The following ACSF2 variants were observed in gnomAD, a reference collection of about 807,000 sequenced individuals.
ACSF2 encodes acyl-CoA synthetase family member 2.
Under a neutral mutation model 79.3 loss-of-function variants are expected in ACSF2, and 52 were observed. That is an observed-to-expected ratio of 0.66 (90% CI 0.53 to 0.83). ACSF2 has a LOEUF of 0.83. Among genes scored for constraint, ACSF2 ranks in the 40% least tolerant of loss-of-function variants. ACSF2 has a pLI of 0.00. For synonymous variants in ACSF2, 283 were observed against 312.6 expected (o/e 0.91, Z 1.00); for missense variants, 661 against 803.3 (o/e 0.82, Z 2.14).
intron 10 of ACSF2, chr17:50,469,081 A>G: frequency 8.2e-7 from 1 of 1,224,644 alleles, no homozygotes; most frequent in Non-Finnish European, 1.0e-6. Context: ...GTGGCCCCCG[A>G]GCCCCGAGCC....
chr17:50,434,722 A>G (rs2030244231), intron 1 of ACSF2, among the ~76,000 whole-genome samples: 1 of 151,130 alleles, frequency 6.6e-6, no homozygotes, highest in African/African-American at 2.4e-5. Context: ...TGTAGTCCTT[A>G]CTAGTCTTTG....
chr17:50,447,824 T>C (rs1380508520), intron 1 of ACSF2, among the ~76,000 whole-genome samples: 1 of 152,204 alleles, frequency 6.6e-6, no homozygotes, highest in African/African-American at 2.4e-5. Context: ...GCTTGAGGCG[T>C]ACCTTTATAG....
intron 1 of ACSF2, 90 bp downstream of exon 1, chr17:50,426,479 T>C: frequency 7.9e-7 from 1 of 1,262,742 alleles, no homozygotes; most frequent in Non-Finnish European, 1.0e-6. Context: ...GCCCCACCTC[T>C]GGACGAGTGC....
chr17:50,471,363 T>C lies in ACSF2; in HGVS notation c.1323+228T>C. The C allele has an allele frequency of 1.9e-6, 1 of 532,704 alleles. No individual in the cohort carries two copies. Among genetic ancestry groups the C allele is most frequent in the South Asian group, 2.2e-5 (1 of 46,368 alleles). The allele number at this position is 532,704 out of a possible 1,614,324, so 33.0% of individuals were successfully genotyped here. On this transcript the variant is annotated intron_variant, in intron 11 of 15. Transcript: ENST00000300441. The surrounding 1 kb of genome is among the most constrained non-coding windows in gnomAD (Gnocchi z 4.1). ...GCTGTGAGCGGCTGCCAGCTGAACT[T>C]CTCCGCGGCCTCCCTTCCTGTCTGA...
intron 2 of ACSF2, 156 bp from the exon 3 acceptor site, chr17:50,461,086 C>G (rs1280404805): frequency 1.6e-6 from 2 of 1,264,570 alleles, no homozygotes; most frequent in African/African-American, 3.0e-5. Flanking sequence ...GTTAACTATG[C>G]AGGCCCCAGG....
Position 50,474,148 on chromosome 17 carries a change from C to A in ACSF2, c.1729-51C>A. On this transcript the variant is annotated intron_variant, in intron 14 of 15. Coordinates refer to ENST00000300441, the MANE Select transcript of ACSF2 (RefSeq NM_025149.6). This position sits in a 1 kb window ranked among gnomAD's most constrained non-coding sequence, Gnocchi z 4.2. ...CAGCCCCTGGTCCCCTACCCATACC[C>A]CTGTGAGCTTGCGCAGCCTCACGCC... 6.2e-7 allele frequency: 1 copy of A among 1,609,752 alleles called. No homozygotes were observed. Among genetic ancestry groups the A allele is most frequent in the Non-Finnish European group, 8.5e-7 (1 of 1,176,016 alleles).
intron 1 of ACSF2, among the ~76,000 whole-genome samples, chr17:50,459,093 G>A (rs140737242): frequency 1.8e-4 from 28 of 152,306 alleles, no homozygotes; most frequent in African/African-American, 6.7e-4. Context: ...AATGCCTGTC[G>A]ACTACAGAGC....
At chr17:50,461,112 C>T in intron 2 of ACSF2, 130 bp from the exon 3 acceptor site, 1 of 1,429,226 alleles carries the variant, frequency 7.0e-7, no homozygotes. Context: ...CCCACTGAGG[C>T]TGGGAATCTG....
chr17:50,432,976 T>C (rs962575206), intron 1 of ACSF2, among the ~76,000 whole-genome samples: 5 of 152,168 alleles, frequency 3.3e-5, no homozygotes, highest in Non-Finnish European at 5.9e-5. Context: ...TTTCACTTGG[T>C]CTCTTATGAA....
At chr17:50,466,068 A>C (rs1026429037) in intron 10 of ACSF2, among the ~76,000 whole-genome samples, 53 of 101,664 alleles carry the variant, frequency 5.2e-4, no homozygotes, top group African/African-American at 2.0e-3. Context: ...AGATGGTGTT[A>C]TTTTCTTTTT....
chr17:50,441,713 G>C (rs1306800237), intron 1 of ACSF2, among the ~76,000 whole-genome samples: 1 of 152,180 alleles, frequency 6.6e-6, no homozygotes, highest in African/African-American at 2.4e-5. Flanking sequence ...TTTGAAGAGA[G>C]CTGGCATGAG....
In ACSF2 at chr17:50,471,370, G is replaced by C; in HGVS notation, c.1323+235G>C. Reference sequence around the variant, plus strand: ...GCGGCTGCCAGCTGAACTTCTCCGCGGCCTCCCTTCCTGTCTGAGGTGTGT... The same window carrying C: ...GCGGCTGCCAGCTGAACTTCTCCGCCGCCTCCCTTCCTGTCTGAGGTGTGT... On this transcript the variant is annotated intron_variant, in intron 11 of 15. Coordinates refer to ENST00000300441, the MANE Select transcript of ACSF2 (RefSeq NM_025149.6). The surrounding 1 kb of genome is among the most constrained non-coding windows in gnomAD (Gnocchi z 4.1). The C allele has an allele frequency of 1.9e-6, 1 of 532,044 alleles. No homozygotes were observed. The highest frequency in any genetic ancestry group is 3.4e-6 in the Non-Finnish European group (1 of 293,318). 33.0% of individuals were successfully genotyped at this position (532,044 alleles called of 1,614,324 possible).
intron 1 of ACSF2, among the ~76,000 whole-genome samples, chr17:50,452,808 A>G (rs894707063): frequency 3.3e-5 from 5 of 152,188 alleles, no homozygotes; most frequent in Admixed American, 1.3e-4. Context: ...GGTGGGTCCT[A>G]TGTTTATGAG....
intron 12 of ACSF2, chr17:50,473,306 T>C (rs193106486): frequency 4.8e-4 from 104 of 214,470 alleles, no homozygotes; most frequent in African/African-American, 2.3e-3. Context: ...GAAAATGAAA[T>C]AGGGTTATAG....
intron 1 of ACSF2, among the ~76,000 whole-genome samples, chr17:50,444,385 T>C (rs573073883): frequency 6.6e-6 from 1 of 152,104 alleles, no homozygotes; most frequent in South Asian, 2.1e-4. Context: ...AAACCCTATC[T>C]CTACTAAAAA....
chr17:50,429,326 G>A (rs1424493599), intron 1 of ACSF2, among the ~76,000 whole-genome samples: 3 of 152,122 alleles, frequency 2.0e-5, no homozygotes, highest in East Asian at 3.9e-4. Context: ...CTTGACTGGT[G>A]TCTGGGTGGG....
chr17:50,429,227 C>T (rs1484382163), intron 1 of ACSF2, among the ~76,000 whole-genome samples: 1 of 152,206 alleles, frequency 6.6e-6, no homozygotes, highest in Non-Finnish European at 1.5e-5. Flanking sequence ...TACTTACTAC[C>T]TTCTTGCTGT....
At chr17:50,442,498 C>T (rs2143570984) in intron 1 of ACSF2, among the ~76,000 whole-genome samples, 1 of 152,042 alleles carries the variant, frequency 6.6e-6, no homozygotes, top group East Asian at 2.0e-4. Flanking sequence ...CAGGGTCTTT[C>T]TCGGTCACCC....
chr17:50,429,232 T>C (rs751371742), intron 1 of ACSF2, among the ~76,000 whole-genome samples: 14 of 152,250 alleles, frequency 9.2e-5, no homozygotes, highest in Non-Finnish European at 1.8e-4. Context: ...ACTACCTTCT[T>C]GCTGTGTTGT....
Sources: allele counts gnomAD v4.1 joint callset (sites outside exome capture counted in the v4.1 genomes callset), GRCh38; gene constraint gnomAD v4.1.1; non-coding constraint Gnocchi (gnomAD v3.1); transcripts MANE v1.5; gene names NCBI Gene and HGNC (gene_info 2026-07-23, HGNC 2026-07-21).